RPS6KA1: variants seen among roughly 807,000 people sequenced by gnomAD.
RPS6KA1 encodes ribosomal protein S6 kinase A1.
In RPS6KA1, 48 loss-of-function variants were observed where a neutral mutation model predicts 91.3. The observed-to-expected ratio is 0.53, with a 90% CI of 0.42 to 0.67. The LOEUF is 0.67. RPS6KA1 is among the 30% of genes least tolerant of loss of function. RPS6KA1 has a pLI of 0.00. For missense variants in RPS6KA1, 719 were observed against 960.5 expected (o/e 0.75, Z 3.32); for synonymous variants, 359 against 384.7 (o/e 0.93, Z 0.78).
rs1253830560 is a variant in RPS6KA1 at position 26,558,474 on chromosome 1, C to T, written c.1085-333C>T. Among the ~76,000 whole-genome samples the T allele has an allele frequency of 6.6e-6, 1 of 152,172 alleles. No individual in the cohort carries two copies. Among genetic ancestry groups the T allele is most frequent in the African/African-American group, 2.4e-5 (1 of 41,436 alleles). On this transcript the variant is annotated intron_variant, in intron 13 of 21. Transcript: ENST00000374168. This position sits in a 1 kb window ranked among gnomAD's most constrained non-coding sequence, Gnocchi z 4.0. ...GTGGCAGATTTGTGGTTGGAACCTT[C>T]CCTCTGGCTGCTGTGCAGAGATGGA...
chr1:26,536,798 C>T, intron 1 of RPS6KA1, 127 bp from the exon 2 acceptor site: 3 of 1,036,400 alleles, frequency 2.9e-6, no homozygotes, highest in Non-Finnish European at 4.5e-6. Flanking sequence ...CCACCCAGGA[C>T]TCCTGCCCTA....
At chr1:26,559,557 T>G (rs569952228) in intron 14 of RPS6KA1, among the ~76,000 whole-genome samples, 230 of 151,654 alleles carry the variant, frequency 1.5e-3, no homozygotes, top group African/African-American at 5.4e-3. Context: ...TTTTTGTATT[T>G]TTAGTAGAGA....
intron 17 of RPS6KA1, among the ~76,000 whole-genome samples, chr1:26,565,353 A>G (rs1401786926): frequency 6.6e-6 from 1 of 152,070 alleles, no homozygotes; most frequent in Non-Finnish European, 1.5e-5. Flanking sequence ...GAAGCATTGC[A>G]TGAACACCGA....
At chr1:26,563,813 G>A (rs997029306) in intron 17 of RPS6KA1, among the ~76,000 whole-genome samples, 4 of 152,114 alleles carry the variant, frequency 2.6e-5, no homozygotes, top group Non-Finnish European at 4.4e-5. Context: ...TGGGGGGGAT[G>A]GGAATGAGGT....
At position 26,562,796 on chromosome 1, in the gene RPS6KA1, G is replaced by A. The variant is rs190241625; in HGVS notation, c.1590+1133G>A. On this transcript the variant is annotated intron_variant, in intron 17 of 21. Coordinates refer to ENST00000374168, the MANE Select transcript of RPS6KA1 (RefSeq NM_002953.4). Reference sequence around the variant, plus strand: ...TTAACTTGTTTTCACATAGTACCCAGTCCATAGACACATTTTTCTCCTATT... The same window carrying A: ...TTAACTTGTTTTCACATAGTACCCAATCCATAGACACATTTTTCTCCTATT... Among the ~76,000 whole-genome samples, 604 of 143,384 alleles carry A rather than the reference G, an allele frequency of 4.2e-3. 6 individuals carry two copies. The highest frequency in any genetic ancestry group is 0.015 in the African/African-American group (578 of 38,346). The allele number at this position is 143,384 out of a possible 152,430, so 94.1% of individuals were successfully genotyped here. A position where few individuals can be genotyped will look rare whatever the true frequency, so the allele number is the denominator to read the frequency against.
At chr1:26,542,990 C>A (rs2124622426) in intron 2 of RPS6KA1, 2 of 650,850 alleles carry the variant, frequency 3.1e-6, no homozygotes, top group East Asian at 2.8e-5. Flanking sequence ...TTGGGGTCTG[C>A]AGTGTCCCCT....
At position 26,561,011 on chromosome 1, in the gene RPS6KA1, C is replaced by T; in HGVS notation, c.1342-34C>T. On this transcript the variant is annotated intron_variant, in intron 15 of 21. Coordinates refer to ENST00000374168, the MANE Select transcript of RPS6KA1 (RefSeq NM_002953.4). The surrounding 1 kb of genome is among the most constrained non-coding windows in gnomAD (Gnocchi z 5.7). ...CCAGAAAGGACCCTGGACCCTGTCA[C>T]CCTGACACTGCCACATGCACCCCCT... The T allele has an allele frequency of 1.9e-6, 3 of 1,607,422 alleles. No individual in the cohort carries two copies. The highest frequency in any genetic ancestry group is 2.6e-6 in the Non-Finnish European group (3 of 1,174,892).
chr1:26,541,773 C>T (rs1019152033), intron 2 of RPS6KA1, among the ~76,000 whole-genome samples: 5 of 152,168 alleles, frequency 3.3e-5, no homozygotes, highest in Non-Finnish European at 7.3e-5. Context: ...CCTGGAAGGG[C>T]CCTGCAAATG....
intron 2 of RPS6KA1, chr1:26,544,003 G>A: frequency 2.3e-6 from 1 of 444,068 alleles, no homozygotes; most frequent in Admixed American, 2.4e-5. Flanking sequence ...GGGTCTGCAA[G>A]AAATACGAGA....
At chr1:26,556,924 C>T in intron 12 of RPS6KA1, 74 bp from the exon 13 acceptor site, 3 of 1,290,950 alleles carry the variant, frequency 2.3e-6, no homozygotes, top group Admixed American at 1.7e-5. Context: ...AAGCCCAGCA[C>T]CTCCTCCTGC....
At chr1:26,564,519 A>C (rs2076182205) in intron 17 of RPS6KA1, among the ~76,000 whole-genome samples, 1 of 152,118 alleles carries the variant, frequency 6.6e-6, no homozygotes, top group South Asian at 2.1e-4. Flanking sequence ...CGGCCTCCCA[A>C]AGAGCTGAGA....
rs1206466195 is a variant in RPS6KA1 at position 26,558,718 on chromosome 1, T to C, written c.1085-89T>C. ...CCACGGCCAGCCCCTGAGGCAGGTC[T>C]GGAGGCCCTGTGCTCCCCCTTTGCT... On this transcript the variant is annotated intron_variant, in intron 13 of 21. Transcript: ENST00000374168. The surrounding 1 kb of genome is among the most constrained non-coding windows in gnomAD (Gnocchi z 4.0). The C allele has an allele frequency of 5.4e-6, 8 of 1,481,870 alleles. No individual in the cohort carries two copies. The highest frequency in any genetic ancestry group is 7.3e-6 in the Non-Finnish European group (8 of 1,091,934). The allele number at this position is 1,481,870 out of a possible 1,614,324, so 91.8% of individuals were successfully genotyped here.
Position 26,540,584 on chromosome 1 carries a change from T to C in RPS6KA1, c.108+3615T>C, listed in dbSNP as rs973726964. On this transcript the variant is annotated intron_variant, in intron 2 of 21. Transcript: ENST00000374168. The surrounding 1 kb of genome is among the most constrained non-coding windows in gnomAD (Gnocchi z 4.2). ...GGATAGTTGTGGTTTTTTGGTTTTG[T>C]TTTTGTTTTGAGGCAGGGCCTCCCT... 6.6e-6 allele frequency among the ~76,000 whole-genome samples: 1 copy of C among 152,232 alleles called. No homozygotes were observed. Among genetic ancestry groups the C allele is most frequent in the African/African-American group, 2.4e-5 (1 of 41,452 alleles).
At position 26,555,084 on chromosome 1, in the gene RPS6KA1, C is replaced by T. The variant is rs553392643; in HGVS notation, c.757-67C>T. ...CTGGGACTGGGGCAGAGGGGTCTGA[C>T]TGGGAGGAGGCGGGAGGTGTGTCGG... On this transcript the variant is annotated intron_variant, in intron 9 of 21. Transcript: ENST00000374168. The surrounding 1 kb of genome is among the most constrained non-coding windows in gnomAD (Gnocchi z 4.3). 1.3e-6 allele frequency: 2 copies of T among 1,492,812 alleles called. No homozygotes were observed. The highest frequency in any genetic ancestry group is 2.3e-5 in the South Asian group (2 of 87,838). 92.5% of individuals were successfully genotyped at this position (1,492,812 alleles called of 1,614,324 possible).
intron 2 of RPS6KA1, among the ~76,000 whole-genome samples, chr1:26,543,431 C>T (rs984720694): frequency 1.3e-5 from 2 of 152,184 alleles, no homozygotes; most frequent in African/African-American, 4.8e-5. Context: ...TTGGCCCCCT[C>T]TTAGTCCCTC....
Position 26,573,354 on chromosome 1 carries a change from T to C in RPS6KA1, c.2078T>C (p.Leu693Pro), listed in dbSNP as rs764359092. 2 of 1,613,994 alleles carry C rather than the reference T, an allele frequency of 1.2e-6. No homozygotes were observed. The highest frequency in any genetic ancestry group is 1.7e-5 in the Admixed American group (1 of 60,010). Reference protein sequence around the residue: ...QSQLSHQDLQLVKGAMAATYS... With the variant: ...QSQLSHQDLQPVKGAMAATYS... Reference sequence around the variant, plus strand: ...CAGCTGTCCCACCAGGACCTACAGCTTGTGAAGGTATGGCCACCCTTGGGC... The same window carrying C: ...CAGCTGTCCCACCAGGACCTACAGCCTGTGAAGGTATGGCCACCCTTGGGC... The change falls in exon 21 of 22, where the codon CTT (leucine) becomes CCT (proline). Residue 693 changes from leucine to proline, a missense_variant. Coordinates refer to ENST00000374168, the MANE Select transcript of RPS6KA1 (RefSeq NM_002953.4).
chr1:26,536,845 G>T (rs1011000434), intron 1 of RPS6KA1, 80 bp from the exon 2 acceptor site: 21 of 1,524,674 alleles, frequency 1.4e-5, no homozygotes, highest in Non-Finnish European at 1.8e-5. Flanking sequence ...AGCACCTAAG[G>T]GTGGGGGTGC....
At position 26,561,402 on chromosome 1, in the gene RPS6KA1, C is replaced by A; in HGVS notation, c.1432-103C>A. The A allele has an allele frequency of 6.8e-7, 1 of 1,461,604 alleles. No homozygotes were observed. Among genetic ancestry groups the A allele is most frequent in the Non-Finnish European group, 9.5e-7 (1 of 1,055,214 alleles). 90.5% of individuals were successfully genotyped at this position (1,461,604 alleles called of 1,614,324 possible). A position where few individuals can be genotyped will look rare whatever the true frequency, so the allele number is the denominator to read the frequency against. On this transcript the variant is annotated intron_variant, in intron 16 of 21. Transcript: ENST00000374168. This position sits in a 1 kb window ranked among gnomAD's most constrained non-coding sequence, Gnocchi z 5.7. The stretch of plus-strand genomic sequence containing the variant: ...GACCACTGAAGAGCAAGCAGAACAC[C>A]TGCCCAAGGCTCATGTCATTCTTCC...
intron 20 of RPS6KA1, 47 bp downstream of exon 20, chr1:26,572,340 G>A: frequency 7.5e-7 from 1 of 1,333,216 alleles, no homozygotes; most frequent in Non-Finnish European, 1.1e-6. Flanking sequence ...AGGGAGGCAG[G>A]GTCCCATCCT....
Sources: allele counts gnomAD v4.1 joint callset (sites outside exome capture counted in the v4.1 genomes callset), GRCh38; gene constraint gnomAD v4.1.1; non-coding constraint Gnocchi (gnomAD v3.1); transcripts MANE v1.5; gene names NCBI Gene and HGNC (gene_info 2026-07-23, HGNC 2026-07-21).